GPA33: variants seen among roughly 807,000 people sequenced by gnomAD.
GPA33 encodes glycoprotein A33.
A neutral mutation model predicts 35.6 loss-of-function variants in GPA33; 27 were observed. That is an observed-to-expected ratio of 0.76 (90% CI 0.56 to 1.04). The LOEUF is 1.04. Ranked by LOEUF, GPA33 falls within the 50% of genes least tolerant of loss-of-function variation. The pLI is 0.00. For synonymous variants in GPA33, 176 were observed against 164.0 expected (o/e 1.07, Z -0.56); for missense variants, 428 against 411.9 (o/e 1.04, Z -0.34).
At chr1:167,077,218 A>G (rs73028893) in intron 1 of GPA33, among the ~76,000 whole-genome samples, 12,167 of 151,958 alleles carry the variant, frequency 0.08, 1,170 homozygotes, top group African/African-American at 0.23. Flanking sequence ...AAAAAAAAAA[A>G]AGAGAAGAAA....
chr1:167,056,687 G>GTAGTGTA (rs1666280835), intron 4 of GPA33, among the ~76,000 whole-genome samples: 5 of 2,914 alleles, frequency 1.7e-3, no homozygotes, highest in African/African-American at 2.4e-3. Flanking sequence ...TGTCTGGTGT[G>GTAGTGTA]TGGTGGGTGT....
In GPA33 at chr1:167,063,685, G is replaced by A. The variant is rs1410931485; in HGVS notation, c.468C>T (p.Asn156=). Residue 156 remains asparagine (N), a synonymous_variant, in exon 4 of 7, where the codon AAC becomes AAT. Transcript: ENST00000367868. ...TTGATTGGCAGGTCAGCTGGATGTTGTTCCCAATTATGGTCTCTCCCTCGA... is the reference window on the plus strand; with the variant it reads ...TTGATTGGCAGGTCAGCTGGATGTTATTCCCAATTATGGTCTCTCCCTCGA... ...CGIEGETIIG[N]NIQLTCQSKE... 3 of 1,613,524 alleles carry A rather than the reference G, an allele frequency of 1.9e-6. No homozygotes were observed. Among genetic ancestry groups the A allele is most frequent in the Non-Finnish European group, 2.5e-6 (3 of 1,179,938 alleles).
intron 4 of GPA33, among the ~76,000 whole-genome samples, chr1:167,061,585 T>C (rs1014581264): frequency 7.7e-6 from 1 of 129,982 alleles, no homozygotes; most frequent in African/African-American, 2.8e-5. Flanking sequence ...TTCTACTAAC[T>C]GTTTTTTTTT....
intron 1 of GPA33, among the ~76,000 whole-genome samples, chr1:167,089,399 T>C (rs925993664): frequency 2.0e-5 from 3 of 152,318 alleles, no homozygotes; most frequent in African/African-American, 7.2e-5. Flanking sequence ...CTCAACAGTG[T>C]CTGAATTGCA....
rs1571316042 is a variant in GPA33, at chr1:167,076,026, G to A, written c.44-2487C>T. Among the ~76,000 whole-genome samples, 2 of 152,210 alleles carry A rather than the reference G, an allele frequency of 1.3e-5. 1 individual carries two copies. The highest frequency in any genetic ancestry group is 4.1e-4 in the South Asian group (2 of 4,834). On this transcript the variant is annotated intron_variant, in intron 1 of 6. Coordinates refer to ENST00000367868, the MANE Select transcript of GPA33 (RefSeq NM_005814.3). ...GGGGTGGTGGGGATGGAGCCTGAAAGGAGTGAGTTCAAGAGCTGATGGGAC... is the reference window on the plus strand; with the variant it reads ...GGGGTGGTGGGGATGGAGCCTGAAAAGAGTGAGTTCAAGAGCTGATGGGAC...
At chr1:167,069,857 T>A (rs943872067) in intron 2 of GPA33, among the ~76,000 whole-genome samples, 1 of 152,204 alleles carries the variant, frequency 6.6e-6, no homozygotes, top group Non-Finnish European at 1.5e-5. Context: ...TTATGTGACA[T>A]GTTAAGTTTC....
chr1:167,086,890 AGT>A (rs3051362), intron 1 of GPA33, among the ~76,000 whole-genome samples: 95,170 of 151,378 alleles, frequency 0.63, 30,832 homozygotes, highest in East Asian at 0.9. Context: ...TGTGTAAGTA[AGT>A]GTGTGTGTGT....
intron 4 of GPA33, 93 bp from the exon 5 acceptor site, chr1:167,055,942 C>T: frequency 3.8e-6 from 5 of 1,318,130 alleles, no homozygotes; most frequent in Non-Finnish European, 4.3e-6. Flanking sequence ...GGAAGCACAA[C>T]CTCTGCCACT....
intron 1 of GPA33, among the ~76,000 whole-genome samples, chr1:167,083,678 G>A (rs1666998308): frequency 6.6e-6 from 1 of 152,204 alleles, no homozygotes; most frequent in Non-Finnish European, 1.5e-5. Context: ...GTGCCCTGAG[G>A]AAGGGCCTTT....
rs553077621 is a variant in GPA33, at chr1:167,089,795, A to G, written c.43+450T>C. Among the ~76,000 whole-genome samples the G allele has an allele frequency of 3.9e-5, 6 of 152,158 alleles. No homozygotes were observed. In the South Asian group the frequency reaches 1.2e-3, roughly 32 times the overall value. Reference sequence around the variant, plus strand: ...GTTTGAATCTTCTCTTGCTCTGTGAATGATACGGGATAAGTTGCATTGTCT... The same window carrying G: ...GTTTGAATCTTCTCTTGCTCTGTGAGTGATACGGGATAAGTTGCATTGTCT... On this transcript the variant is annotated intron_variant, in intron 1 of 6. Transcript: ENST00000367868.
At chr1:167,086,044 A>G (rs1013622964) in intron 1 of GPA33, among the ~76,000 whole-genome samples, 1 of 152,214 alleles carries the variant, frequency 6.6e-6, no homozygotes, top group African/African-American at 2.4e-5. Context: ...TCTTTTGAAC[A>G]CCTAACCTTC....
rs149640714 is a variant in GPA33 at position 167,055,803 on chromosome 1, C to T, written c.618G>A (p.Ser206=). Residue 206 remains serine, a synonymous_variant, in exon 5 of 7, where the codon TCG becomes TCA. Coordinates refer to ENST00000367868, the MANE Select transcript of GPA33 (RefSeq NM_005814.3). The stretch of plus-strand genomic sequence containing the variant: ...TGCTGGAGGTACAGATGTAGTAACC[C>T]GATGTGTCTGTGGAGATATTCTTCA... The part of the protein sequence containing the change: ...VSLKNISTDT[S]GYYICTSSNE... The T allele has an allele frequency of 3.9e-4, 626 of 1,613,680 alleles. No homozygotes were observed. The highest frequency in any genetic ancestry group is 4.9e-4 in the Non-Finnish European group (573 of 1,179,786).
chr1:167,076,847 G>T (rs1482350558), intron 1 of GPA33, among the ~76,000 whole-genome samples: 1 of 152,208 alleles, frequency 6.6e-6, no homozygotes, highest in Non-Finnish European at 1.5e-5. Flanking sequence ...TGATTCCAAA[G>T]TGGCCAAGAC....
chr1:167,081,953 C>T (rs1031367856), intron 1 of GPA33, among the ~76,000 whole-genome samples: 2 of 152,192 alleles, frequency 1.3e-5, no homozygotes, highest in African/African-American at 4.8e-5. Flanking sequence ...TACTGTCAGC[C>T]AGCATCCTAA....
chr1:167,087,712 C>G (rs566078929), intron 1 of GPA33, among the ~76,000 whole-genome samples: 1 of 152,174 alleles, frequency 6.6e-6, no homozygotes, highest in South Asian at 2.1e-4. Flanking sequence ...GTCAAGAGTT[C>G]AAGACCAGTC....
chr1:167,056,022 C>T (rs1245321581), intron 4 of GPA33, among the ~76,000 whole-genome samples, 173 bp from the exon 5 acceptor site: 3 of 152,190 alleles, frequency 2.0e-5, no homozygotes, highest in Non-Finnish European at 2.9e-5. Flanking sequence ...GCAGGGCCCA[C>T]AATGTGAAGT....
At chr1:167,070,328 G>C (rs1316897557) in intron 2 of GPA33, among the ~76,000 whole-genome samples, 1 of 152,204 alleles carries the variant, frequency 6.6e-6, no homozygotes, top group Non-Finnish European at 1.5e-5. Context: ...TATTTATTGA[G>C]TGTATGCTAT....
At chr1:167,069,448 C>T (rs908152579) in intron 2 of GPA33, among the ~76,000 whole-genome samples, 5 of 152,256 alleles carry the variant, frequency 3.3e-5, no homozygotes, top group African/African-American at 1.2e-4. Context: ...TCCGGCATCT[C>T]TCTTATCCAT....
At position 167,078,581 on chromosome 1, in the gene GPA33, C is replaced by T. The variant is rs546492657; in HGVS notation, c.44-5042G>A. 5.3e-5 allele frequency: 8 copies of T among 152,372 alleles called. No individual in the cohort carries two copies. The South Asian group carries it at 1.7e-3, about 32-fold the overall frequency. The allele number at this position is 152,372 out of a possible 1,614,324, so 9.4% of individuals were successfully genotyped here. On this transcript the variant is annotated intron_variant, in intron 1 of 6. Coordinates refer to ENST00000367868, the MANE Select transcript of GPA33 (RefSeq NM_005814.3). Reference sequence around the variant, plus strand: ...GGGCAATATACTCCCATCAACCACTCCTACCACTCGTTCATTCTGTCTCCC... The same window carrying T: ...GGGCAATATACTCCCATCAACCACTTCTACCACTCGTTCATTCTGTCTCCC...
Sources: allele counts gnomAD v4.1 joint callset (sites outside exome capture counted in the v4.1 genomes callset), GRCh38; gene constraint gnomAD v4.1.1; transcripts MANE v1.5; gene names NCBI Gene and HGNC (gene_info 2026-07-23, HGNC 2026-07-21).